ASB5: variants seen among roughly 807,000 people sequenced by gnomAD.
ASB5 encodes ankyrin repeat and SOCS box containing 5.
A neutral mutation model predicts 42.1 loss-of-function variants in ASB5; 45 were observed. The observed-to-expected ratio is 1.07, with a 90% CI of 0.84 to 1.37. ASB5 has a LOEUF of 1.37. ASB5 is among the 40% of genes most tolerant of loss of function. ASB5 has a pLI of 0.00. For synonymous variants in ASB5, 147 were observed against 150.6 expected (o/e 0.98, Z 0.18); for missense variants, 402 against 399.8 (o/e 1.01, Z -0.05).
chr4:176,252,075 A>G (rs2126970433), intron 1 of ASB5, among the ~76,000 whole-genome samples: 1 of 41,996 alleles, frequency 2.4e-5, no homozygotes, highest in African/African-American at 1.1e-4. Flanking sequence ...CAAAAAAAAA[A>G]AAAAAAAAGA....
intron 2 of ASB5, 151 bp downstream of exon 2, chr4:176,225,111 A>C (rs1753339074): frequency 3.7e-6 from 2 of 536,206 alleles, no homozygotes; most frequent in Admixed American, 3.5e-5. Context: ...TTCAAAGATA[A>C]GTGAGAAACT....
At chr4:176,271,533 G>T (rs376683348), upstream of ASB5, among the ~76,000 whole-genome samples, 2 of 152,230 alleles carry the variant, frequency 1.3e-5, no homozygotes, top group East Asian at 3.9e-4. Flanking sequence ...TAGTTGATTA[G>T]CTCAGTATAT....
At chr4:176,242,060 C>G (rs1753822356) in intron 1 of ASB5, among the ~76,000 whole-genome samples, 1 of 152,172 alleles carries the variant, frequency 6.6e-6, no homozygotes, top group South Asian at 2.1e-4. Context: ...TGCTAAATGA[C>G]CAGTGACGTG....
At chr4:176,229,949 A>G (rs1428433180) in intron 1 of ASB5, among the ~76,000 whole-genome samples, 2 of 152,164 alleles carry the variant, frequency 1.3e-5, no homozygotes, top group African/African-American at 4.8e-5. Flanking sequence ...AGGAGAAGAA[A>G]ATAGAGAGCA....
At chr4:176,221,626 A>C (rs13120838) in intron 3 of ASB5, 26 bp from the exon 4 acceptor site, 640,071 of 1,561,110 alleles carry the variant, frequency 0.41, 134,419 homozygotes, top group Non-Finnish European at 0.44. Context: ...ATATCCAAAC[A>C]TAAGATTCAT....
chr4:176,234,438 TC>T (rs1376770749), intron 1 of ASB5, among the ~76,000 whole-genome samples: 4 of 152,178 alleles, frequency 2.6e-5, no homozygotes, highest in African/African-American at 9.7e-5. Context: ...TATCACCTTA[TC>T]AGAGAGGCCT....
Position 176,215,514 on chromosome 4 carries a change from C to A in ASB5, c.*86G>T, listed in dbSNP as rs1752941653. ...GATCTCACACTCACTTTTATCCTAT[C>A]TTTAGCATATTTTTATATGAACTAT... On this transcript the variant is annotated 3_prime_UTR_variant, in exon 7 of 7. Coordinates refer to ENST00000296525, the MANE Select transcript of ASB5 (RefSeq NM_080874.4). 6.4e-6 allele frequency: 9 copies of A among 1,399,884 alleles called. No individual in the cohort carries two copies. In the East Asian group the frequency reaches 7.3e-5, roughly 11 times the overall value. The allele number at this position is 1,399,884 out of a possible 1,614,324, so 86.7% of individuals were successfully genotyped here.
chr4:176,264,259 T>G (rs1300113650), intron 1 of ASB5, among the ~76,000 whole-genome samples: 2 of 152,194 alleles, frequency 1.3e-5, no homozygotes, highest in African/African-American at 2.4e-5. Flanking sequence ...CAATCCAAAA[T>G]TTGGTCCATG....
chr4:176,227,526 C>G (rs1193548962), intron 1 of ASB5, among the ~76,000 whole-genome samples: 1 of 152,184 alleles, frequency 6.6e-6, no homozygotes, highest in Non-Finnish European at 1.5e-5. Flanking sequence ...GCAGAGAACG[C>G]TTACACAGTC....
At position 176,222,399 on chromosome 4, in the gene ASB5, T is replaced by C; in HGVS notation, c.298A>G (p.Thr100Ala). 6.2e-7 allele frequency: 1 copy of C among 1,613,124 alleles called. No homozygotes were observed. Residue 100 changes from threonine (T) to alanine (A), a missense_variant, in exon 3 of 7, where the codon ACC (threonine) becomes GCC (alanine). Transcript: ENST00000296525. ...LSQGYNVNAV[T>A]LDHVTPLHEA... is the part of the protein sequence containing the mutation. ...TGCAATGGGGTGACATGGTCTAAGG[T>C]TACTGCATTTACATTATAACCCTAA...
chr4:176,227,407 T>C (rs1753410336), intron 1 of ASB5, among the ~76,000 whole-genome samples: 1 of 152,184 alleles, frequency 6.6e-6, no homozygotes, highest in Non-Finnish European at 1.5e-5. Context: ...TACAAAGGGA[T>C]TGATGACTGG....
At chr4:176,260,396 GAA>G (rs1050484736) in intron 1 of ASB5, among the ~76,000 whole-genome samples, 1 of 151,962 alleles carries the variant, frequency 6.6e-6, no homozygotes, top group African/African-American at 2.4e-5. Flanking sequence ...TGAGGATTGA[GAA>G]AAAAAATCAT....
intron 1 of ASB5, among the ~76,000 whole-genome samples, chr4:176,245,392 A>G (rs1027390851): frequency 6.6e-6 from 1 of 152,174 alleles, no homozygotes; most frequent in African/African-American, 2.4e-5. Context: ...AAAAGTCAGG[A>G]AACAACAGGT....
At chr4:176,272,662 G>A (rs768323531), upstream of ASB5, among the ~76,000 whole-genome samples, 25 of 152,190 alleles carry the variant, frequency 1.6e-4, no homozygotes, top group Non-Finnish European at 1.8e-4. Context: ...AGTACTACAC[G>A]AATTGTTGCT....
chr4:176,263,304 T>C (rs564353799), intron 1 of ASB5, among the ~76,000 whole-genome samples: 1 of 152,284 alleles, frequency 6.6e-6, no homozygotes, highest in African/African-American at 2.4e-5. Context: ...GCTTTTCCTT[T>C]ATAGTAACAC....
intron 1 of ASB5, among the ~76,000 whole-genome samples, chr4:176,246,741 A>G (rs1753920731): frequency 6.6e-6 from 1 of 152,244 alleles, no homozygotes; most frequent in African/African-American, 2.4e-5. Context: ...AGAAGACGTG[A>G]TGGTTAATGA....
At chr4:176,263,233 A>C (rs530717702) in intron 1 of ASB5, among the ~76,000 whole-genome samples, 2 of 152,292 alleles carry the variant, frequency 1.3e-5, no homozygotes, top group South Asian at 4.1e-4. Flanking sequence ...AAACAGCCTG[A>C]GGCCCTCAGC....
intron 5 of ASB5, among the ~76,000 whole-genome samples, chr4:176,219,299 TATGATATATAAATATATATATTTG>T: frequency 9.2e-6 from 1 of 109,160 alleles, no homozygotes; most frequent in Non-Finnish European, 1.7e-5. Flanking sequence ...TATATATTTG[TATGATATATAAATATATATATTTG>T]TATGATATAT....
intron 1 of ASB5, among the ~76,000 whole-genome samples, chr4:176,238,238 G>A (rs1039789097): frequency 6.7e-6 from 1 of 150,350 alleles, no homozygotes; most frequent in Non-Finnish European, 1.5e-5. Flanking sequence ...GTGCATTACG[G>A]TCAGCTGGTA....
Sources: gnomAD v4.1 joint callset for allele counts (sites outside exome capture counted in the v4.1 genomes callset) on GRCh38, gnomAD v4.1.1 for gene constraint, MANE v1.5 for transcripts, NCBI Gene and HGNC (gene_info 2026-07-23, HGNC 2026-07-21) for gene names.